The following CPAMD8 variants were observed in gnomAD, a reference collection of about 807,000 sequenced individuals.
CPAMD8 encodes the protein C3 and PZP-like alpha-2-macroglobulin domain-containing protein 8.
CPAMD8 carries 146 observed loss-of-function variants against 224.7 expected under a neutral mutation model. The ratio of observed to expected loss-of-function variants is 0.65; its 90% CI spans 0.57 to 0.75. The LOEUF (loss-of-function observed/expected upper bound fraction) is 0.75, where lower values mean the gene tolerates loss of function less well. Among genes scored for constraint, CPAMD8 ranks in the 30% least tolerant of loss-of-function variants. CPAMD8 has a pLI of 0.00. For missense variants in CPAMD8, 2,301 were observed against 2,537.5 expected (o/e 0.91, Z 2.00); for synonymous variants, 966 against 1,044.6 (o/e 0.92, Z 1.45).
chr19:16,897,413 C>T (rs985798295), intron 39 of CPAMD8: 118 of 484,724 alleles, frequency 2.4e-4, no homozygotes, highest in Non-Finnish European at 4.1e-4. Context: ...ACCACACCCT[C>T]ACTGGCTCGG....
chr19:16,974,633 G>C (rs2055190290), intron 17 of CPAMD8, among the ~76,000 whole-genome samples: 1 of 152,042 alleles, frequency 6.6e-6, no homozygotes. Flanking sequence ...CAAATTGGAA[G>C]AATCTACTTG....
chr19:16,965,129 G>A lies in CPAMD8; in HGVS notation c.2213+5762C>T, dbSNP rs575716181. ...CAAAAAATTAGCCGGGCATAGTGGC[G>A]GGCGCCTGTAGTCCCAGCTACTCAG... On this transcript the variant is annotated intron_variant, in intron 18 of 41. Transcript: ENST00000443236. 2.0e-5 allele frequency among the ~76,000 whole-genome samples: 3 copies of A among 151,868 alleles called. No individual in the cohort carries two copies. The South Asian group carries it at 6.3e-4, about 32-fold the overall frequency.
At chr19:17,005,374 T>C (rs2056458142) in intron 7 of CPAMD8, among the ~76,000 whole-genome samples, 1 of 151,984 alleles carries the variant, frequency 6.6e-6, no homozygotes, top group African/African-American at 2.4e-5. Flanking sequence ...CAGAATCGCC[T>C]GTCCGACCCC....
chr19:17,018,717 TACACACACACACACAC>T (rs367984655), intron 3 of CPAMD8, among the ~76,000 whole-genome samples: 55 of 136,826 alleles, frequency 4.0e-4, no homozygotes, highest in East Asian at 2.0e-3. Flanking sequence ...CTACTAAAAA[TACACACACACACACAC>T]ACACACACAC....
intron 22 of CPAMD8, among the ~76,000 whole-genome samples, chr19:16,940,295 A>G (rs185906916): frequency 3.3e-5 from 5 of 152,198 alleles, no homozygotes; most frequent in East Asian, 1.9e-4. Flanking sequence ...TGATAAACCT[A>G]TCCTACAGAT....
At chr19:16,978,636 C>T (rs1373625396) in intron 14 of CPAMD8, among the ~76,000 whole-genome samples, 2 of 152,100 alleles carry the variant, frequency 1.3e-5, no homozygotes. Context: ...TGAATAGAAG[C>T]CAGAGATGCT....
chr19:16,996,766 C>G (rs2056136995), intron 11 of CPAMD8, among the ~76,000 whole-genome samples: 1 of 148,056 alleles, frequency 6.8e-6, no homozygotes, highest in Non-Finnish European at 1.5e-5. Context: ...TTGCAGTGAG[C>G]CGAGATGGAG....
chr19:16,895,971 C>G (rs1432730048), intron 41 of CPAMD8: 1 of 698,650 alleles, frequency 1.4e-6, no homozygotes, highest in Non-Finnish European at 2.6e-6. Flanking sequence ...GTGGGTGTTG[C>G]GTGGGCCAGG....
rs57280906 is a variant in CPAMD8, at chr19:16,895,903, GCACACACA to G, written c.5426+265_5426+272del. 4.5e-4 allele frequency: 236 copies of G among 524,902 alleles called. 3 individuals carry two copies. In the Middle Eastern group the frequency reaches 5.7e-3, roughly 13 times the overall value. The allele number at this position is 524,902 out of a possible 1,614,324, so 32.5% of individuals were successfully genotyped here. On this transcript the variant is annotated intron_variant, in intron 41 of 41. Transcript: ENST00000443236. ...CCCGTATGCGCGCGCGCGCGCGCAC[GCACACACA>G]CACACACACACACACACGCGCGCGT...
intron 12 of CPAMD8, among the ~76,000 whole-genome samples, chr19:16,990,024 G>C (rs1477188427): frequency 6.6e-6 from 1 of 152,198 alleles, no homozygotes; most frequent in Non-Finnish European, 1.5e-5. Context: ...GGCCGAGGCA[G>C]GTGGATCACC....
chr19:16,903,265 A>G (rs751528635), intron 34 of CPAMD8, among the ~76,000 whole-genome samples: 1 of 151,862 alleles, frequency 6.6e-6, no homozygotes, highest in Non-Finnish European at 1.5e-5. Context: ...GGCTAAATCC[A>G]GGCCACAGCA....
chr19:16,949,052 G>A (rs963158721), intron 20 of CPAMD8, among the ~76,000 whole-genome samples: 1 of 142,736 alleles, frequency 7.0e-6, no homozygotes, highest in Admixed American at 7.0e-5. Flanking sequence ...AAGGACGGGA[G>A]GGGGGGAGGG....
intron 13 of CPAMD8, among the ~76,000 whole-genome samples, chr19:16,985,690 AGGGTGGAT>A (rs1384097721): frequency 6.7e-6 from 1 of 148,312 alleles, no homozygotes; most frequent in African/African-American, 2.5e-5. Flanking sequence ...GGATGGATGA[AGGGTGGAT>A]GGATGGAGGG....
chr19:17,022,230 C>A, intron 1 of CPAMD8, 49 bp from the exon 2 acceptor site: 2 of 1,578,780 alleles, frequency 1.3e-6, no homozygotes, highest in Non-Finnish European at 8.6e-7. Context: ...GACCCCTGGT[C>A]TCGCTGCCAC....
Position 16,893,212 on chromosome 19 carries a change from C to G in CPAMD8, c.5554G>C (p.Ala1852Pro), listed in dbSNP as rs375776520. 1.3e-6 allele frequency: 2 copies of G among 1,590,812 alleles called. No homozygotes were observed. The highest frequency in any genetic ancestry group is 2.3e-5 in the South Asian group (2 of 88,380). Residue 1852 changes from alanine to proline, a missense_variant, in exon 42 of 42, where the codon GCC becomes CCC. This residue lies in a region of CPAMD8 where 1,709 missense variants were observed against 1,753.2 expected (regional missense o/e 0.97). Coordinates refer to ENST00000443236, the MANE Select transcript of CPAMD8 (RefSeq NM_015692.5). Reference protein sequence around the residue: ...PQRHSGRVVGAHRPGLLSPVF... With the variant: ...PQRHSGRVVGPHRPGLLSPVF... ...GGGCTCAGAAGCCCTGGCCTGTGGG[C>G]CCCCACCACCCGGCCACTATGTCTC...
intron 29 of CPAMD8, among the ~76,000 whole-genome samples, chr19:16,908,430 G>A (rs895842987): frequency 6.6e-6 from 1 of 151,408 alleles, no homozygotes; most frequent in Non-Finnish European, 1.5e-5. Context: ...GCCCTCCCCA[G>A]CCTCCAGGCC....
intron 17 of CPAMD8, among the ~76,000 whole-genome samples, chr19:16,972,544 C>A (rs2055101133): frequency 6.6e-6 from 1 of 152,088 alleles, no homozygotes; most frequent in African/African-American, 2.4e-5. Context: ...GCCATTCTCT[C>A]CTGCCTCATT....
At chr19:16,903,095 A>T (rs976588157) in intron 34 of CPAMD8, among the ~76,000 whole-genome samples, 2 of 152,160 alleles carry the variant, frequency 1.3e-5, no homozygotes, top group Non-Finnish European at 2.9e-5. Flanking sequence ...AGCTGTGCTC[A>T]GCTATGTCTG....
At chr19:16,902,216 T>G (rs978395581) in intron 35 of CPAMD8, among the ~76,000 whole-genome samples, 1 of 152,014 alleles carries the variant, frequency 6.6e-6, no homozygotes, top group African/African-American at 2.4e-5. Context: ...TTGCTTTTCT[T>G]TCATTCATTT....
Sources: gnomAD v4.1 joint callset for allele counts (sites outside exome capture counted in the v4.1 genomes callset) on GRCh38, gnomAD v4.1.1 for gene constraint, gnomAD v4.1.1 regional missense constraint, MANE v1.5 for transcripts, NCBI Gene and HGNC (gene_info 2026-07-23, HGNC 2026-07-21) for gene names.